The following C3orf49 variants were observed in gnomAD, a reference collection of about 807,000 sequenced individuals.
C3orf49 encodes chromosome 3 open reading frame 49, also known as putative uncharacterized protein C3orf49.
In C3orf49, 27 loss-of-function variants were observed where a neutral mutation model predicts 13.3. That is an observed-to-expected ratio of 2.02 (90% CI 1.49 to 2.79). The LOEUF (loss-of-function observed/expected upper bound fraction) is 2.79. Among genes scored for constraint, C3orf49 ranks in the 30% most tolerant of loss-of-function variants. C3orf49 has a pLI of 0.00. For missense variants in C3orf49, 242 were observed against 134.2 expected (o/e 1.80, Z -3.97); for synonymous variants, 87 against 47.6 (o/e 1.83, Z -3.40).
the C3orf49 span, among the ~76,000 whole-genome samples, chr3:63,793,222 T>A: frequency 6.6e-6 from 1 of 152,172 alleles, no homozygotes; most frequent in African/African-American, 2.4e-5. Context: ...TAAATTATAA[T>A]CAATGCAGAC....
upstream of C3orf49, among the ~76,000 whole-genome samples, chr3:63,816,408 C>T (rs953388961): frequency 1.3e-5 from 2 of 151,980 alleles, no homozygotes; most frequent in East Asian, 2.0e-4. Context: ...CTGAGCAACA[C>T]GGTGAAACCT....
At chr3:63,827,357 T>C in intron 2 of C3orf49, 1 of 333,040 alleles carries the variant, frequency 3.0e-6, no homozygotes, top group Non-Finnish European at 5.4e-6. Flanking sequence ...GAGAGAGAGG[T>C]GGCTACCTTG....
the C3orf49 span, among the ~76,000 whole-genome samples, chr3:63,813,798 C>T: frequency 1.3e-5 from 2 of 152,184 alleles, no homozygotes; most frequent in Non-Finnish European, 2.9e-5. Context: ...TTTGCTTGAG[C>T]CAGGTGGAAA....
upstream of C3orf49, among the ~76,000 whole-genome samples, chr3:63,814,638 G>T (rs909929205): frequency 3.9e-5 from 6 of 152,126 alleles, no homozygotes; most frequent in South Asian, 6.2e-4. Context: ...TCCGGGGAAT[G>T]ATCACACAGG....
At position 63,837,319 on chromosome 3, in the gene C3orf49, A is replaced by G. The variant is rs73831958; in HGVS notation, c.849+5475A>G. 5.3e-3 allele frequency among the ~76,000 whole-genome samples: 784 copies of G among 147,782 alleles called. 5 individuals carry two copies. Among genetic ancestry groups the G allele is most frequent in the African/African-American group, 0.018 (746 of 41,282 alleles). On this transcript the variant is annotated intron_variant, in intron 5 of 6. Transcript: ENST00000295896. Reference sequence around the variant, plus strand: ...TTCTAGTTTTTCATATCAATGTAACAGTTGTGATTACACATTATATTTTTT... The same window carrying G: ...TTCTAGTTTTTCATATCAATGTAACGGTTGTGATTACACATTATATTTTTT...
At chr3:63,827,547 G>A in intron 2 of C3orf49, 54 bp from the exon 3 acceptor site, 1 of 664,230 alleles carries the variant, frequency 1.5e-6, no homozygotes, top group Non-Finnish European at 2.7e-6. Context: ...TTAACAGGAA[G>A]AATGTGTTCC....
intron 1 of C3orf49, among the ~76,000 whole-genome samples, chr3:63,821,433 A>G (rs544562094): frequency 2.6e-5 from 4 of 152,198 alleles, no homozygotes; most frequent in Non-Finnish European, 5.9e-5. Flanking sequence ...ACGTAATAGC[A>G]TAATATAAAA....
the C3orf49 span, among the ~76,000 whole-genome samples, chr3:63,811,085 T>C: frequency 6.6e-6 from 1 of 152,266 alleles, no homozygotes; most frequent in East Asian, 1.9e-4. Flanking sequence ...TGACCTCAAG[T>C]GATCCGCCTG....
chr3:63,835,362 C>G, intron 5 of C3orf49: 1 of 1,613,436 alleles, frequency 6.2e-7, no homozygotes, highest in East Asian at 2.2e-5. Flanking sequence ...GAAAGATGCT[C>G]TAATTCTTTT....
chr3:63,819,767 C>G (rs914303455), intron 1 of C3orf49, among the ~76,000 whole-genome samples, 171 bp downstream of exon 1: 1 of 152,092 alleles, frequency 6.6e-6, no homozygotes, highest in African/African-American at 2.4e-5. Context: ...ATTTTATGAT[C>G]AGAAACATCT....
the C3orf49 span, among the ~76,000 whole-genome samples, chr3:63,809,140 C>A: frequency 6.6e-6 from 1 of 152,126 alleles, no homozygotes; most frequent in African/African-American, 2.4e-5. Flanking sequence ...TATATAAAAC[C>A]TTTCTGTTTA....
chr3:63,838,121 T>G, intron 5 of C3orf49: 1 of 1,456,390 alleles, frequency 6.9e-7, no homozygotes, highest in Non-Finnish European at 9.3e-7. Context: ...CATTTTTAAT[T>G]TTAAAACGCA....
the C3orf49 span, chr3:63,787,186 A>C: frequency 6.6e-6 from 1 of 152,182 alleles, no homozygotes; most frequent in Non-Finnish European, 1.5e-5. Context: ...CATATATGTA[A>C]ATGAGATGGA....
Position 63,831,817 on chromosome 3 carries a change from A to C in C3orf49, c.822A>C (p.Arg274Ser), listed in dbSNP as rs76130489. The change falls in exon 5 of 7, where the codon AGA becomes AGC. Residue 274 changes from arginine (R) to serine (S), a missense_variant. By Grantham distance (110) the Arg-to-Ser change is moderately radical. Coordinates refer to ENST00000295896, the MANE Select transcript of C3orf49 (RefSeq NM_001355236.2). ...AACAGTTCCAGAGGATATCCAAGAG[A>C]ACCATGAGGAAGTATAAATTAAAAA... ...SSKQFQRISKRTMRKYKLKNM... is the reference protein window; with the variant it reads ...SSKQFQRISKSTMRKYKLKNM... The C allele has an allele frequency of 1.4e-6, 1 of 699,250 alleles. No individual in the cohort carries two copies. The highest frequency in any genetic ancestry group is 2.6e-6 in the Non-Finnish European group (1 of 384,176). 43.3% of individuals were successfully genotyped at this position (699,250 alleles called of 1,614,324 possible).
chr3:63,779,860 C>G, the C3orf49 span: 1 of 152,130 alleles, frequency 6.6e-6, no homozygotes, highest in Admixed American at 6.6e-5. Flanking sequence ...TTCCGTGGAT[C>G]TAGTTGAAAG....
chr3:63,793,809 T>A, the C3orf49 span, among the ~76,000 whole-genome samples: 1 of 152,088 alleles, frequency 6.6e-6, no homozygotes. Flanking sequence ...TCTGTTTCCT[T>A]CACTGTTAAA....
At chr3:63,826,452 G>C (rs1362369880) in intron 2 of C3orf49, among the ~76,000 whole-genome samples, 1 of 152,168 alleles carries the variant, frequency 6.6e-6, no homozygotes, top group Non-Finnish European at 1.5e-5. Flanking sequence ...AAGGGTTGGG[G>C]AGAGGGAAAA....
the C3orf49 span, among the ~76,000 whole-genome samples, chr3:63,785,166 G>T: frequency 1.3e-4 from 18 of 142,100 alleles, no homozygotes; most frequent in Non-Finnish European, 1.9e-4. Flanking sequence ...TCTGCCTCCT[G>T]GGTTCACGCA....
intron 3 of C3orf49, among the ~76,000 whole-genome samples, chr3:63,828,234 C>T (rs754237690): frequency 6.6e-6 from 1 of 152,138 alleles, no homozygotes; most frequent in Non-Finnish European, 1.5e-5. Flanking sequence ...GACAGTGCAG[C>T]GTAGATTATC....
Sources: gnomAD v4.1 joint callset for allele counts (sites outside exome capture counted in the v4.1 genomes callset) on GRCh38, gnomAD v4.1.1 for gene constraint, MANE v1.5 for transcripts, NCBI Gene and HGNC (gene_info 2026-07-23, HGNC 2026-07-21) for gene names.